The following CAMKK2 variants were observed in gnomAD, a reference collection of about 807,000 sequenced individuals.
CAMKK2 encodes the protein calcium/calmodulin dependent protein kinase kinase 2.
CAMKK2 carries 30 observed loss-of-function variants against 67.2 expected under a neutral mutation model. That is an observed-to-expected ratio of 0.45 (90% CI 0.33 to 0.61). CAMKK2 has a LOEUF of 0.61. Among genes scored for constraint, CAMKK2 ranks in the 20% least tolerant of loss-of-function variants. The pLI, the probability that CAMKK2 is intolerant of heterozygous loss-of-function variation, is 0.02. For missense variants in CAMKK2, 643 were observed against 802.0 expected, an observed-to-expected ratio of 0.80 and a Z score of 2.39; for synonymous variants, 322 against 326.2, an observed-to-expected ratio of 0.99 and a Z score of 0.14.
At chr12:121,274,000 G>T (rs1040586319) in intron 2 of CAMKK2, 56 bp downstream of exon 2, 49 of 1,256,926 alleles carry the variant, frequency 3.9e-5, no homozygotes, top group Non-Finnish European at 5.0e-5. Context: ...GCCCTGCTGG[G>T]GGCAGGGAAG....
chr12:121,260,226 A>G, intron 7 of CAMKK2, 93 bp downstream of exon 7: 1 of 1,049,230 alleles, frequency 9.5e-7, no homozygotes, highest in Non-Finnish European at 1.4e-6. Flanking sequence ...CTTTGGTGGA[A>G]GGTGCCAGGG....
upstream of CAMKK2, chr12:121,297,365 C>T (rs919607675): frequency 4.7e-5 from 15 of 322,566 alleles, no homozygotes; most frequent in Non-Finnish European, 7.5e-5. Context: ...AGCTGCCTGC[C>T]GACTGACCAC....
intron 14 of CAMKK2, among the ~76,000 whole-genome samples, chr12:121,246,462 C>G (rs1328556617): frequency 6.6e-6 from 1 of 151,972 alleles, no homozygotes; most frequent in Non-Finnish European, 1.5e-5. Context: ...AGAAGAATTG[C>G]TTGAACCTGG....
chr12:121,259,850 A>G (rs571632875), intron 7 of CAMKK2, among the ~76,000 whole-genome samples: 90 of 152,312 alleles, frequency 5.9e-4, no homozygotes, highest in Admixed American at 9.2e-4. Context: ...TGGGAGGCCA[A>G]TGCAGGAGGA....
At position 121,263,952 on chromosome 12, in the gene CAMKK2, A is replaced by G. The variant is rs1183027764; in HGVS notation, c.626-13T>C. 1.3e-6 allele frequency: 2 copies of G among 1,586,464 alleles called. No individual in the cohort carries two copies. Among genetic ancestry groups the G allele is most frequent in the Admixed American group, 3.5e-5 (2 of 56,452 alleles). On this transcript the variant is annotated splice_polypyrimidine_tract_variant and intron_variant, in intron 5 of 16. Coordinates refer to ENST00000404169, the MANE Select transcript of CAMKK2 (RefSeq NM_001270485.2). ...GGTGGAGGGCGACCTGAAGGAAACA[A>G]AAACAGACCCAGGGTCAGGGCAAAG... is the stretch of plus-strand genomic sequence containing the variant.
At chr12:121,284,498 GT>G (rs1898361912) in intron 1 of CAMKK2, among the ~76,000 whole-genome samples, 2 of 151,880 alleles carry the variant, frequency 1.3e-5, no homozygotes, top group Admixed American at 1.3e-4. Context: ...TAATTTTTGT[GT>G]TTTTTGGTGG....
intron 14 of CAMKK2, among the ~76,000 whole-genome samples, chr12:121,247,022 C>A (rs980232359): frequency 2.0e-5 from 3 of 152,160 alleles, no homozygotes; most frequent in East Asian, 1.9e-4. Flanking sequence ...CTGGTTCAAA[C>A]CCTGATTCAA....
chr12:121,286,746 G>A lies in CAMKK2; in HGVS notation c.-60+9892C>T, dbSNP rs1399316459. ...CTATTATCCCTGTTCCACCAGTGGG[G>A]AAACTGAGGCACAGAGAGCCTGGCT... On this transcript the variant is annotated intron_variant, in intron 1 of 16. Coordinates refer to ENST00000404169, the MANE Select transcript of CAMKK2 (RefSeq NM_001270485.2). 7.9e-5 allele frequency among the ~76,000 whole-genome samples: 12 copies of A among 152,134 alleles called. No individual in the cohort carries two copies. The South Asian group carries it at 2.5e-3, about 32-fold the overall frequency.
intron 15 of CAMKK2, 74 bp from the exon 16 acceptor site, chr12:121,244,689 C>T: frequency 8.0e-7 from 1 of 1,244,342 alleles, no homozygotes; most frequent in Non-Finnish European, 1.1e-6. Context: ...CGTTCCCCCA[C>T]CCTGAGACAC....
chr12:121,265,385 G>A (rs1894325821), intron 5 of CAMKK2, among the ~76,000 whole-genome samples: 1 of 152,114 alleles, frequency 6.6e-6, no homozygotes, highest in Non-Finnish European at 1.5e-5. Flanking sequence ...CCACAGAGGA[G>A]CTGACCATCA....
intron 5 of CAMKK2, 97 bp from the exon 6 acceptor site, chr12:121,264,036 A>AT: frequency 7.9e-7 from 1 of 1,262,038 alleles, no homozygotes; most frequent in African/African-American, 1.5e-5. Context: ...GATGCCAAAA[A>AT]GCCACTCTGC....
chr12:121,297,154 G>T (rs1901450578), upstream of CAMKK2: 1 of 153,938 alleles, frequency 6.5e-6, no homozygotes, highest in African/African-American at 2.4e-5. Context: ...GGCGGGCCGC[G>T]CCGGCAGCGC....
intron 1 of CAMKK2, among the ~76,000 whole-genome samples, chr12:121,276,876 C>T (rs1228999760): frequency 8.4e-6 from 1 of 118,530 alleles, no homozygotes; most frequent in Non-Finnish European, 1.6e-5. Flanking sequence ...CAGAGGGAGA[C>T]TCCATCTCAA....
At chr12:121,291,270 C>CA (rs1899964767) in intron 1 of CAMKK2, among the ~76,000 whole-genome samples, 1 of 152,024 alleles carries the variant, frequency 6.6e-6, no homozygotes, top group Admixed American at 6.6e-5. Context: ...AACAGAGTGA[C>CA]AAAAAAATGT....
At chr12:121,256,293 C>T (rs1401603335) in intron 7 of CAMKK2, among the ~76,000 whole-genome samples, 2 of 152,182 alleles carry the variant, frequency 1.3e-5, no homozygotes, top group African/African-American at 4.8e-5. Context: ...GCACAAGAAT[C>T]ACTTGAACCT....
intron 14 of CAMKK2, among the ~76,000 whole-genome samples, chr12:121,246,253 C>CGGGG (rs146641557): frequency 2.4e-5 from 2 of 83,330 alleles, no homozygotes; most frequent in African/African-American, 4.2e-5. Context: ...AAAGAAGGAG[C>CGGGG]GGGGGGGGGG....
intron 6 of CAMKK2, among the ~76,000 whole-genome samples, chr12:121,263,296 A>T (rs1313366127): frequency 1.3e-5 from 2 of 152,038 alleles, no homozygotes; most frequent in South Asian, 2.1e-4. Flanking sequence ...TTTAGTAAAG[A>T]CAGGGTTTCA....
chr12:121,275,419 G>C (rs1013902919), intron 1 of CAMKK2, among the ~76,000 whole-genome samples: 1 of 148,904 alleles, frequency 6.7e-6, no homozygotes, highest in African/African-American at 2.5e-5. Flanking sequence ...AGGAGGCGGA[G>C]GTTGCAGTGA....
intron 9 of CAMKK2, among the ~76,000 whole-genome samples, chr12:121,254,521 G>A (rs895323033): frequency 2.0e-5 from 3 of 152,054 alleles, no homozygotes; most frequent in Admixed American, 1.3e-4. Flanking sequence ...TCAAACCACT[G>A]ATGTGTACTG....
Sources: gnomAD v4.1 joint callset for allele counts (sites outside exome capture counted in the v4.1 genomes callset) on GRCh38, gnomAD v4.1.1 for gene constraint, MANE v1.5 for transcripts, NCBI Gene and HGNC (gene_info 2026-07-23, HGNC 2026-07-21) for gene names.